The following RFTN1 variants were observed in gnomAD, a reference collection of about 807,000 sequenced individuals.
RFTN1 encodes the protein raftlin, lipid raft linker 1, also known as raftlin.
In RFTN1, 26 loss-of-function variants were observed where a neutral mutation model predicts 46.5. The ratio of observed to expected loss-of-function variants is 0.56; its 90% CI spans 0.41 to 0.78. The LOEUF is 0.78. Ranked by LOEUF, RFTN1 falls within the 30% of genes least tolerant of loss-of-function variation. The pLI is 0.00. For missense variants in RFTN1, 693 were observed against 718.7 expected, an observed-to-expected ratio of 0.96 and a Z score of 0.41; for synonymous variants, 261 against 284.2, an observed-to-expected ratio of 0.92 and a Z score of 0.82.
chr3:16,317,002 G>A lies in RFTN1; in HGVS notation c.1563C>T (p.Ser521=). The change falls in exon 10 of 10, where the codon TCC becomes TCT. Residue 521 remains serine (S), a synonymous_variant. Coordinates refer to ENST00000334133, the MANE Select transcript of RFTN1 (RefSeq NM_015150.2). The surrounding 1 kb of genome is among the most constrained non-coding windows in gnomAD (Gnocchi z 4.3). ...CCACCCCACACAGCAGGCCACCAGGGGACAGCTGTTCTCCCTTGTCCTCTT... is the reference window on the plus strand; with the variant it reads ...CCACCCCACACAGCAGGCCACCAGGAGACAGCTGTTCTCCCTTGTCCTCTT... ...PVQEDKGEQL[S]PGGLLCGVGV... The A allele has an allele frequency of 6.2e-7, 1 of 1,613,362 alleles. No homozygotes were observed. The highest frequency in any genetic ancestry group is 8.5e-7 in the Non-Finnish European group (1 of 1,179,830).
rs560464968 is a variant in RFTN1, at chr3:16,335,371, C to G, written c.1147-8495G>C. On this transcript the variant is annotated intron_variant, in intron 7 of 9. Coordinates refer to ENST00000334133, the MANE Select transcript of RFTN1 (RefSeq NM_015150.2). This position sits in a 1 kb window ranked among gnomAD's most constrained non-coding sequence, Gnocchi z 4.7. The stretch of plus-strand genomic sequence containing the variant: ...CCCTTGGACAATCCTGCATGGGAAA[C>G]AGGCTTAAGAAGGGAGTTTGTACCA... Among the ~76,000 whole-genome samples the G allele has an allele frequency of 2.6e-5, 4 of 152,280 alleles. No homozygotes were observed. The East Asian group carries it at 7.7e-4, about 29-fold the overall frequency.
intron 7 of RFTN1, among the ~76,000 whole-genome samples, chr3:16,340,695 A>G (rs926907432): frequency 2.0e-5 from 3 of 152,256 alleles, no homozygotes; most frequent in Non-Finnish European, 4.4e-5. Flanking sequence ...CTCTGCAGTT[A>G]TAGATTTTAA....
At chr3:16,467,405 A>T (rs1283619136) in intron 2 of RFTN1, among the ~76,000 whole-genome samples, 1 of 152,192 alleles carries the variant, frequency 6.6e-6, no homozygotes, top group Non-Finnish European at 1.5e-5. Context: ...CTCCAGTGCC[A>T]TCCACAACAT....
intron 4 of RFTN1, among the ~76,000 whole-genome samples, chr3:16,404,313 T>TTATATATTATATATAATATATAA (rs1553584606): frequency 0.059 from 943 of 16,102 alleles, 215 homozygotes; most frequent in South Asian, 0.17. Flanking sequence ...GTAATATATA[T>TTATATATTATATATAATATATAA]TATATATAAT....
chr3:16,399,996 C>A (rs1481108325), intron 4 of RFTN1, among the ~76,000 whole-genome samples: 1 of 152,190 alleles, frequency 6.6e-6, no homozygotes, highest in Non-Finnish European at 1.5e-5. Flanking sequence ...CCTAACCACA[C>A]CCACTCTTGA....
At position 16,320,699 on chromosome 3, in the gene RFTN1, AAGG is replaced by A. The variant is rs1204151679; in HGVS notation, c.1332+2674_1332+2676del. Among the ~76,000 whole-genome samples the A allele has an allele frequency of 2.0e-5, 3 of 152,358 alleles. No individual in the cohort carries two copies. The highest frequency in any genetic ancestry group is 6.5e-5 in the Admixed American group (1 of 15,304). On this transcript the variant is annotated intron_variant, in intron 9 of 9. Coordinates refer to ENST00000334133, the MANE Select transcript of RFTN1 (RefSeq NM_015150.2). The surrounding 1 kb of genome is among the most constrained non-coding windows in gnomAD (Gnocchi z 4.5). The stretch of plus-strand genomic sequence containing the variant: ...AAAAGGATGCTCGAGTAGAGCTAGA[AAGG>A]AGGAGAATGTCCTTGGCAGAGGGGA...
rs139225509 is a variant in RFTN1 at position 16,377,953 on chromosome 3, G to A, written c.591C>T (p.His197=). 117 of 1,614,242 alleles carry A rather than the reference G, an allele frequency of 7.2e-5. No homozygotes were observed. The South Asian group carries it at 1.1e-3, about 15-fold the overall frequency. The change falls in exon 5 of 10, where the codon CAC becomes CAT. Residue 197 remains histidine (H), a synonymous_variant. Transcript: ENST00000334133. The part of the protein sequence containing the change: ...ARDAKNARGD[H]ASLENEKPGT... ...CCGGTTTCTCATTCTCCAGTGACGC[G>A]TGATCCCCACGTGCGTTTTTTGCAT...
intron 1 of RFTN1, among the ~76,000 whole-genome samples, chr3:16,495,196 G>C (rs948445363): frequency 6.6e-6 from 1 of 152,200 alleles, no homozygotes; most frequent in African/African-American, 2.4e-5. Flanking sequence ...TGCATGAACT[G>C]ATTACTTGTA....
rs1384158592 is a variant in RFTN1 at position 16,370,342 on chromosome 3, A to G, written c.827-63T>C. On this transcript the variant is annotated intron_variant, in intron 5 of 9. Transcript: ENST00000334133. The surrounding 1 kb of genome is among the most constrained non-coding windows in gnomAD (Gnocchi z 5.5). ...TCAACTGATGATAAAAATCTGTTTC[A>G]TCGGCTTAAGTGGAATCTCTCAGGA... The G allele has an allele frequency of 2.0e-6, 3 of 1,509,158 alleles. No individual in the cohort carries two copies. The East Asian group carries it at 6.8e-5, about 34-fold the overall frequency. The allele number at this position is 1,509,158 out of a possible 1,614,324, so 93.5% of individuals were successfully genotyped here.
chr3:16,497,947 G>T (rs1369087608), intron 1 of RFTN1, among the ~76,000 whole-genome samples: 1 of 152,086 alleles, frequency 6.6e-6, no homozygotes, highest in Non-Finnish European at 1.5e-5. Flanking sequence ...AAAGGGTTGG[G>T]GTGGGGATCA....
At chr3:16,420,557 C>G (rs980285157) in intron 3 of RFTN1, among the ~76,000 whole-genome samples, 2 of 152,314 alleles carry the variant, frequency 1.3e-5, no homozygotes, top group African/African-American at 4.8e-5. Flanking sequence ...CCACATTAAA[C>G]TTTGCTGATT....
intron 7 of RFTN1, among the ~76,000 whole-genome samples, chr3:16,357,141 C>A (rs1303155732): frequency 1.4e-4 from 21 of 147,122 alleles, no homozygotes; most frequent in Non-Finnish European, 1.5e-4. Context: ...AAAAAACAAA[C>A]AAACAAACAA....
chr3:16,366,335 G>T (rs2073168836), intron 6 of RFTN1, among the ~76,000 whole-genome samples: 1 of 152,224 alleles, frequency 6.6e-6, no homozygotes, highest in Non-Finnish European at 1.5e-5. Context: ...AGCTGGCTCA[G>T]CTCGGGGTCT....
chr3:16,394,429 A>C (rs1288517379), intron 4 of RFTN1, among the ~76,000 whole-genome samples: 1 of 152,156 alleles, frequency 6.6e-6, no homozygotes, highest in African/African-American at 2.4e-5. Context: ...CACACAAATG[A>C]ACACCAATGA....
rs1428848678 is a variant in RFTN1, at chr3:16,351,130, G to A, written c.1146+6802C>T. ...GTAGGTTTCAGTTACAGAAAAGTGT[G>A]TCATCGAGCCTTTCATGTAAATACA... On this transcript the variant is annotated intron_variant, in intron 7 of 9. Transcript: ENST00000334133. This position sits in a 1 kb window ranked among gnomAD's most constrained non-coding sequence, Gnocchi z 5.4. Among the ~76,000 whole-genome samples the A allele has an allele frequency of 6.6e-6, 1 of 152,176 alleles. No individual in the cohort carries two copies.
At chr3:16,404,303 G>GTAATATATAATATATATAATATA (rs2074779055) in intron 4 of RFTN1, among the ~76,000 whole-genome samples, 2 of 10,142 alleles carry the variant, frequency 2.0e-4, no homozygotes, top group Non-Finnish European at 4.1e-4. Context: ...TATATAATAT[G>GTAATATATAATATATATAATATA]TAATATATAT....
rs911517642 is a variant in RFTN1 at position 16,382,646 on chromosome 3, G to A, written c.442-4544C>T. On this transcript the variant is annotated intron_variant, in intron 4 of 9. Transcript: ENST00000334133. This position sits in a 1 kb window ranked among gnomAD's most constrained non-coding sequence, Gnocchi z 4.7. Reference sequence around the variant, plus strand: ...ACCTACACAGAAGACGATCACAGCTGACGGGTCCACTGTTGATCTGGTCTC... The same window carrying A: ...ACCTACACAGAAGACGATCACAGCTAACGGGTCCACTGTTGATCTGGTCTC... Among the ~76,000 whole-genome samples the A allele has an allele frequency of 1.3e-5, 2 of 152,188 alleles. No homozygotes were observed. Among genetic ancestry groups the A allele is most frequent in the Non-Finnish European group, 2.9e-5 (2 of 68,028 alleles).
At position 16,348,604 on chromosome 3, in the gene RFTN1, G is replaced by A. The variant is rs1411429775; in HGVS notation, c.1146+9328C>T. On this transcript the variant is annotated intron_variant, in intron 7 of 9. Coordinates refer to ENST00000334133, the MANE Select transcript of RFTN1 (RefSeq NM_015150.2). The surrounding 1 kb of genome is among the most constrained non-coding windows in gnomAD (Gnocchi z 6.3). The stretch of plus-strand genomic sequence containing the variant: ...TGCCTTCCCATTTCCTTTGTAGGAT[G>A]TCTTCTTCCCGAGGCTCCTTGATGT... Among the ~76,000 whole-genome samples, 1 of 152,178 alleles carries A rather than the reference G, an allele frequency of 6.6e-6. No individual in the cohort carries two copies. Among genetic ancestry groups the A allele is most frequent in the Non-Finnish European group, 1.5e-5 (1 of 68,020 alleles).
chr3:16,324,022 A>G (rs575024619), intron 8 of RFTN1, among the ~76,000 whole-genome samples: 2 of 152,298 alleles, frequency 1.3e-5, no homozygotes, highest in South Asian at 4.1e-4. Context: ...CGTATCTTAC[A>G]ATACAGTGAA....
Sources: allele counts gnomAD v4.1 joint callset (sites outside exome capture counted in the v4.1 genomes callset), GRCh38; gene constraint gnomAD v4.1.1; non-coding constraint Gnocchi (gnomAD v3.1); transcripts MANE v1.5; gene names NCBI Gene and HGNC (gene_info 2026-07-23, HGNC 2026-07-21).